The following CABYR variants were observed in gnomAD, a reference collection of about 807,000 sequenced individuals.
CABYR encodes calcium binding tyrosine phosphorylation regulated, also known as calcium-binding tyrosine phosphorylation-regulated protein.
CABYR carries 31 observed loss-of-function variants against 36.1 expected under a neutral mutation model. The observed-to-expected ratio is 0.86, with a 90% CI of 0.64 to 1.16. The LOEUF is 1.16. CABYR is among the 50% of genes most tolerant of loss of function. The pLI is 0.00. For missense variants in CABYR, 429 were observed against 455.8 expected, an observed-to-expected ratio of 0.94 and a Z score of 0.53; for synonymous variants, 146 against 160.7, an observed-to-expected ratio of 0.91 and a Z score of 0.69.
intron 3 of CABYR, among the ~76,000 whole-genome samples, chr18:24,155,275 G>C (rs189275910): frequency 1.3e-5 from 2 of 152,210 alleles, no homozygotes; most frequent in Admixed American, 1.3e-4. Context: ...ATCTTTCCCT[G>C]ATGCTGACCA....
intron 3 of CABYR, among the ~76,000 whole-genome samples, chr18:24,147,636 T>C (rs2085493270): frequency 6.6e-6 from 1 of 151,976 alleles, no homozygotes; most frequent in Non-Finnish European, 1.5e-5. Context: ...CAGATGTTTA[T>C]GGGCAGAAGG....
At chr18:24,147,487 AT>A (rs977603918) in intron 3 of CABYR, among the ~76,000 whole-genome samples, 1 of 152,080 alleles carries the variant, frequency 6.6e-6, no homozygotes, top group African/African-American at 2.4e-5. Flanking sequence ...AGGCAAACAA[AT>A]TTTTTTAAAA....
intron 3 of CABYR, among the ~76,000 whole-genome samples, chr18:24,149,997 C>T (rs1376366350): frequency 3.9e-5 from 6 of 152,256 alleles, no homozygotes. Flanking sequence ...CAGAAAGGGG[C>T]TCCCACAGTG....
chr18:24,160,621 C>T (rs902265122), intron 5 of CABYR, among the ~76,000 whole-genome samples: 2 of 152,186 alleles, frequency 1.3e-5, no homozygotes, highest in Non-Finnish European at 2.9e-5. Context: ...TTCATTCATA[C>T]TTAATGCCAA....
At chr18:24,156,697 C>T (rs1567902456) in intron 4 of CABYR, 1 of 1,614,176 alleles carries the variant, frequency 6.2e-7, no homozygotes. Flanking sequence ...CCTGAGGTAC[C>T]TGCACAACTC....
At chr18:24,139,469 C>T (rs2085247521) in intron 1 of CABYR, 1 of 152,208 alleles carries the variant, frequency 6.6e-6, no homozygotes, top group Non-Finnish European at 1.5e-5. Context: ...AGGGAGAGGT[C>T]GGGGAGTGCG....
intron 4 of CABYR, chr18:24,156,262 C>T: frequency 6.2e-7 from 1 of 1,614,126 alleles, no homozygotes; most frequent in Non-Finnish European, 8.5e-7. Flanking sequence ...GAAAATGAGG[C>T]TGAACCATCA....
At position 24,155,816 on chromosome 18, in the gene CABYR, A is replaced by T. The variant is rs1180706752; in HGVS notation, c.315A>T (p.Thr105=). The T allele has an allele frequency of 1.2e-6, 2 of 1,614,096 alleles. No homozygotes were observed. Among genetic ancestry groups the T allele is most frequent in the East Asian group, 2.2e-5 (1 of 44,896 alleles). ...VPTQMEKSTD[T]DEDNVTRTEY... ...CCCAGATGGAAAAATCTACAGACACAGACGAGGACAATGTAACCAGAACAG... is the reference window on the plus strand; with the variant it reads ...CCCAGATGGAAAAATCTACAGACACTGACGAGGACAATGTAACCAGAACAG... Residue 105 remains threonine, a synonymous_variant, in exon 4 of 6, where the codon ACA becomes ACT. Coordinates refer to ENST00000399496, the MANE Select transcript of CABYR (RefSeq NM_153769.3).
In CABYR at chr18:24,143,227, C is replaced by G. The variant is rs1568456589; in HGVS notation, c.113C>G (p.Ala38Gly). ...CCATCAAACATCAACCAGTTTGCAG[C>G]AGCTTATTTTCAAGAACTTACTATG... Reference protein sequence around the residue: ...TNPSNINQFAAAYFQELTMYR... With the variant: ...TNPSNINQFAGAYFQELTMYR... The change falls in exon 2 of 6, where the codon GCA becomes GGA. Residue 38 changes from alanine to glycine, a missense_variant. Ala to Gly is a moderately conservative substitution (Grantham distance 60, BLOSUM62 0). Coordinates refer to ENST00000399496, the MANE Select transcript of CABYR (RefSeq NM_153769.3). 6.2e-7 allele frequency: 1 copy of G among 1,613,888 alleles called. No individual in the cohort carries two copies. The highest frequency in any genetic ancestry group is 8.5e-7 in the Non-Finnish European group (1 of 1,179,944).
At position 24,159,835 on chromosome 18, in the gene CABYR, A is replaced by C; in HGVS notation, c.905A>C (p.Asp302Ala). The change falls in exon 5 of 6, where the codon GAT becomes GCT. Residue 302 changes from aspartate to alanine, a missense_variant. By Grantham distance (126) the Asp-to-Ala change is moderately radical (BLOSUM62 -2). Coordinates refer to ENST00000399496, the MANE Select transcript of CABYR (RefSeq NM_153769.3). ...CAAGTGCCCATTGCTGTTCCTGCAGATGAGAAATACCAGAAACATACCCTA... is the reference window on the plus strand; with the variant it reads ...CAAGTGCCCATTGCTGTTCCTGCAGCTGAGAAATACCAGAAACATACCCTA... The part of the protein sequence containing the change: ...AMQVPIAVPA[D>A]EKYQKHTLSP... 6.2e-7 allele frequency: 1 copy of C among 1,614,160 alleles called. No individual in the cohort carries two copies. Among genetic ancestry groups the C allele is most frequent in the Non-Finnish European group, 8.5e-7 (1 of 1,180,010 alleles).
intron 1 of CABYR, 133 bp from the exon 2 acceptor site, chr18:24,142,958 G>C: frequency 1.9e-6 from 1 of 516,786 alleles, no homozygotes; most frequent in Non-Finnish European, 3.2e-6. Context: ...GCTTGAACCT[G>C]GGAGGCGGAG....
At chr18:24,161,380 A>G (rs958778828) in intron 5 of CABYR, 136 bp from the exon 6 acceptor site, 7 of 580,112 alleles carry the variant, frequency 1.2e-5, no homozygotes, top group Non-Finnish European at 2.2e-5. Context: ...TTTCAGTGCA[A>G]AAGCCCATAG....
In CABYR at chr18:24,159,522, A is replaced by T; in HGVS notation, c.592A>T (p.Thr198Ser). 1.2e-6 allele frequency: 2 copies of T among 1,614,076 alleles called. No homozygotes were observed. The highest frequency in any genetic ancestry group is 2.2e-5 in the South Asian group (2 of 91,070). ...GQPPPCSNMW[T>S]LYCLTDKNQQ... The stretch of plus-strand genomic sequence containing the variant: ...ACCACCACCATGTTCTAACATGTGG[A>T]CCCTTTATTGTCTAACTGATAAGAA... The change falls in exon 5 of 6, where the codon ACC becomes TCC. Residue 198 changes from threonine to serine, a missense_variant. Physicochemically the swap from Thr to Ser is moderately conservative, Grantham distance 58. Coordinates refer to ENST00000399496, the MANE Select transcript of CABYR (RefSeq NM_153769.3).
rs776777707 is a variant in CABYR at position 24,156,690 on chromosome 18, G to C, written c.541+648G>C. 3 of 1,614,072 alleles carry C rather than the reference G, an allele frequency of 1.9e-6. No homozygotes were observed. The Admixed American group carries it at 5.0e-5, about 27-fold the overall frequency. On this transcript the variant is annotated intron_variant, in intron 4 of 5. Transcript: ENST00000399496. ...TGACACATCTTTGAAAGGTCAGCCT[G>C]AGGTACCTGCACAACTCCTGGATGC...
intron 1 of CABYR, among the ~76,000 whole-genome samples, chr18:24,142,643 T>TG (rs1043907408): frequency 1.9e-5 from 2 of 105,558 alleles, no homozygotes; most frequent in African/African-American, 2.8e-5. Flanking sequence ...TAGGGTTGTG[T>TG]GTTTTTTTTT....
chr18:24,156,628 C>T (rs1339316593), intron 4 of CABYR: 3 of 1,614,050 alleles, frequency 1.9e-6, no homozygotes, highest in Non-Finnish European at 1.7e-6. Flanking sequence ...AAATATTCCT[C>T]AGTATATATG....
Position 24,143,186 on chromosome 18 carries a change from T to C in CABYR, c.72T>C (p.Ala24=), listed in dbSNP as rs765365778. 3.7e-5 allele frequency: 59 copies of C among 1,613,968 alleles called. 2 individuals are homozygous for C. In the South Asian group the frequency reaches 4.7e-4, roughly 13 times the overall value. ...CTCTGCTCGAGGGAATTAGCAGAGC[T>C]GTTCTCAAAACCAACCCATCAAACA... The part of the protein sequence containing the change: ...LKTLLEGISR[A]VLKTNPSNIN... Residue 24 remains alanine (A), a synonymous_variant, in exon 2 of 6, where the codon GCT becomes GCC. Coordinates refer to ENST00000399496, the MANE Select transcript of CABYR (RefSeq NM_153769.3).
At chr18:24,160,683 C>T (rs2085943010) in intron 5 of CABYR, 1 of 152,728 alleles carries the variant, frequency 6.5e-6, no homozygotes, top group Non-Finnish European at 1.5e-5. Context: ...TGAGCAAAAA[C>T]ATGGGACCTA....
chr18:24,159,568 C>G lies in CABYR; in HGVS notation c.638C>G (p.Pro213Arg). 1 of 1,614,030 alleles carries G rather than the reference C, an allele frequency of 6.2e-7. No individual in the cohort carries two copies. ...AAGAATCAACAAGGTCACCCATCAC[C>G]GCCACCTGCACCTGGGCCTTTTCCC... ...TDKNQQGHPS[P>R]PPAPGPFPQA... The change falls in exon 5 of 6, where the codon CCG becomes CGG. Residue 213 changes from proline (P) to arginine (R), a missense_variant. Physicochemically the swap from Pro to Arg is moderately radical, Grantham distance 103 (BLOSUM62 -2). Transcript: ENST00000399496.
Sources: gnomAD v4.1 joint callset for allele counts (sites outside exome capture counted in the v4.1 genomes callset) on GRCh38, gnomAD v4.1.1 for gene constraint, MANE v1.5 for transcripts, NCBI Gene and HGNC (gene_info 2026-07-23, HGNC 2026-07-21) for gene names.